Variants in MUSK observed in about 807,000 individuals in gnomAD.
The protein encoded by MUSK is muscle, skeletal receptor tyrosine-protein kinase.
MUSK carries 55 observed loss-of-function variants against 88.7 expected under a neutral mutation model. That is an observed-to-expected ratio of 0.62 (90% CI 0.50 to 0.78). The LOEUF (loss-of-function observed/expected upper bound fraction) is 0.78. Among genes scored for constraint, MUSK ranks in the 30% least tolerant of loss-of-function variants. The pLI is 0.00. For missense variants in MUSK, 1,015 were observed against 1,074.3 expected (o/e 0.94, Z 0.77); for synonymous variants, 387 against 391.9 (o/e 0.99, Z 0.15).
chr9:110,701,553 C>T (rs1289645761), intron 5 of MUSK, among the ~76,000 whole-genome samples: 1 of 152,032 alleles, frequency 6.6e-6, no homozygotes, highest in Non-Finnish European at 1.5e-5. Context: ...ATGGCACAAT[C>T]ATAGCTTACT....
At chr9:110,727,350 G>A (rs2131821168) in intron 5 of MUSK, 1 of 152,082 alleles carries the variant, frequency 6.6e-6, no homozygotes, top group East Asian at 1.9e-4. Flanking sequence ...CCAAGACTTA[G>A]ATCCTTTGTC....
chr9:110,742,684 A>G (rs1335533134), intron 6 of MUSK, among the ~76,000 whole-genome samples: 1 of 152,212 alleles, frequency 6.6e-6, no homozygotes, highest in African/African-American at 2.4e-5. Context: ...TGAGACCCCA[A>G]CTTATTCATT....
At chr9:110,684,428 C>T (rs146598634) in intron 2 of MUSK, among the ~76,000 whole-genome samples, 312 of 151,980 alleles carry the variant, frequency 2.1e-3, no homozygotes, top group African/African-American at 7.2e-3. Context: ...GTGATTCCTC[C>T]AGTTTTTTTC....
In MUSK at chr9:110,804,174, T is replaced by C. The variant is rs2078130222; in HGVS notation, c.*3186T>C. ...ACTGTAATTTAGCTAATCAATCTTGTATTTTTGAACATTTAGGTTTTTTCC... is the reference window on the plus strand; with the variant it reads ...ACTGTAATTTAGCTAATCAATCTTGCATTTTTGAACATTTAGGTTTTTTCC... On this transcript the variant is annotated 3_prime_UTR_variant, in exon 15 of 15. Transcript: ENST00000374448. Among the ~76,000 whole-genome samples, 1 of 152,204 alleles carries C rather than the reference T, an allele frequency of 6.6e-6. No homozygotes were observed. The highest frequency in any genetic ancestry group is 1.5e-5 in the Non-Finnish European group (1 of 68,010).
chr9:110,789,777 T>TG (rs201052030), intron 14 of MUSK, among the ~76,000 whole-genome samples: 2,429 of 151,814 alleles, frequency 0.016, 35 homozygotes, highest in Admixed American at 0.042. Context: ...AGACTCCATC[T>TG]GGGAAAAAAA....
chr9:110,727,641 G>A (rs1406326202), intron 5 of MUSK: 2 of 204,248 alleles, frequency 9.8e-6, no homozygotes, highest in East Asian at 2.3e-4. Flanking sequence ...TGCGGTTGCT[G>A]GCGGAACATT....
chr9:110,679,639 T>C (rs2076081885), intron 1 of MUSK, among the ~76,000 whole-genome samples: 1 of 151,588 alleles, frequency 6.6e-6, no homozygotes, highest in Non-Finnish European at 1.5e-5. Flanking sequence ...TTCTTCCTGT[T>C]TGTTTTTGCT....
intron 11 of MUSK, among the ~76,000 whole-genome samples, chr9:110,782,262 G>A (rs971158333): frequency 2.6e-5 from 4 of 152,162 alleles, no homozygotes; most frequent in African/African-American, 7.2e-5. Flanking sequence ...AAAGAATGAC[G>A]ATTCAAAGTG....
intron 6 of MUSK, among the ~76,000 whole-genome samples, chr9:110,739,006 C>T (rs1351964685): frequency 6.6e-6 from 1 of 152,106 alleles, no homozygotes; most frequent in Non-Finnish European, 1.5e-5. Flanking sequence ...ATCAGATCTT[C>T]TATAAAACCT....
intron 7 of MUSK, among the ~76,000 whole-genome samples, chr9:110,756,524 T>TATCG (rs1405971244): frequency 6.8e-6 from 1 of 147,854 alleles, no homozygotes; most frequent in Admixed American, 6.8e-5. Context: ...CAATTCTTTT[T>TATCG]AGACAGTAAT....
intron 7 of MUSK, among the ~76,000 whole-genome samples, chr9:110,748,900 C>G (rs1017805272): frequency 6.3e-4 from 96 of 152,282 alleles, no homozygotes; most frequent in African/African-American, 2.3e-3. Flanking sequence ...TTTCTCCCCC[C>G]AGTGATATCT....
At chr9:110,763,301 C>CA (rs1271210299) in intron 8 of MUSK, among the ~76,000 whole-genome samples, 3 of 150,898 alleles carry the variant, frequency 2.0e-5, no homozygotes, top group Admixed American at 6.6e-5. Context: ...ATTCTCAGTT[C>CA]AAAAAAAAGA....
intron 5 of MUSK, among the ~76,000 whole-genome samples, chr9:110,709,907 G>A (rs2076646617): frequency 6.6e-6 from 1 of 152,140 alleles, no homozygotes; most frequent in South Asian, 2.1e-4. Context: ...CCCTTTGGGA[G>A]GCTGAGGCAG....
chr9:110,714,207 C>T (rs770087718), intron 5 of MUSK, among the ~76,000 whole-genome samples: 7 of 152,212 alleles, frequency 4.6e-5, no homozygotes, highest in East Asian at 3.9e-4. Flanking sequence ...AACAAAAGTG[C>T]GGTTGCTTTA....
rs1158986610 is a variant in MUSK at position 110,800,797 on chromosome 9, G to A, written c.2419G>A (p.Ala807Thr). ...TGGCCTGCAGCCCTACTATGGGATG[G>A]CCCATGAGGAGGTCATTTACTACGT... ...SYGLQPYYGM[A>T]HEEVIYYVRD... The change falls in exon 15 of 15, where the codon GCC becomes ACC. Residue 807 changes from alanine (A) to threonine (T), a missense_variant. By Grantham distance (58) the Ala-to-Thr change is moderately conservative (BLOSUM62 0). Coordinates refer to ENST00000374448, the MANE Select transcript of MUSK (RefSeq NM_005592.4). The A allele has an allele frequency of 6.2e-7, 1 of 1,613,704 alleles. No individual in the cohort carries two copies. The highest frequency in any genetic ancestry group is 2.2e-5 in the East Asian group (1 of 44,882).
rs142883574 is a variant in MUSK, at chr9:110,693,387, C to T, written c.359-2016C>T. Among the ~76,000 whole-genome samples the T allele has an allele frequency of 2.9e-3, 438 of 152,228 alleles. 3 individuals are homozygous for T. The highest frequency in any genetic ancestry group is 0.022 in the South Asian group (107 of 4,818). Reference sequence around the variant, plus strand: ...TGCTTCCATACTTCTTGGAAAGATCCGTTTTATAAGGCTCCCGAGATCCCC... The same window carrying T: ...TGCTTCCATACTTCTTGGAAAGATCTGTTTTATAAGGCTCCCGAGATCCCC... On this transcript the variant is annotated intron_variant, in intron 3 of 14. Transcript: ENST00000374448.
At chr9:110,739,220 G>A (rs2077066654) in intron 6 of MUSK, among the ~76,000 whole-genome samples, 1 of 152,136 alleles carries the variant, frequency 6.6e-6, no homozygotes, top group South Asian at 2.1e-4. Flanking sequence ...TTTTAGATAA[G>A]CTGTTATGAT....
rs544665164 is a variant in MUSK, at chr9:110,803,122, T to C, written c.*2134T>C. On this transcript the variant is annotated 3_prime_UTR_variant, in exon 15 of 15. Transcript: ENST00000374448. ...GCTTTCTCCGCTGATAAAGTTTTGTTGTAAAAGACAGACATAGAAGTCAGG... is the reference window on the plus strand; with the variant it reads ...GCTTTCTCCGCTGATAAAGTTTTGTCGTAAAAGACAGACATAGAAGTCAGG... 1.4e-4 allele frequency among the ~76,000 whole-genome samples: 22 copies of C among 152,330 alleles called. 1 individual carries two copies. In the East Asian group the frequency reaches 4.3e-3, roughly 29 times the overall value.
Position 110,800,920 on chromosome 9 carries a change from A to G in MUSK, c.2542A>G (p.Ser848Gly). Residue 848 changes from serine to glycine, a missense_variant, in exon 15 of 15, where the codon AGT (serine) becomes GGT (glycine). Coordinates refer to ENST00000374448, the MANE Select transcript of MUSK (RefSeq NM_005592.4). Reference sequence around the variant, plus strand: ...GAGCAAGCTGCCTGCAGACAGACCCAGTTTCACCAGTATTCACCGAATTCT... The same window carrying G: ...GAGCAAGCTGCCTGCAGACAGACCCGGTTTCACCAGTATTCACCGAATTCT... ...CWSKLPADRP[S>G]FTSIHRILER... 3 of 1,539,256 alleles carry G rather than the reference A, an allele frequency of 1.9e-6. No homozygotes were observed. The highest frequency in any genetic ancestry group is 1.3e-5 in the South Asian group (1 of 77,532).
Sources: allele counts gnomAD v4.1 joint callset (sites outside exome capture counted in the v4.1 genomes callset), GRCh38; gene constraint gnomAD v4.1.1; transcripts MANE v1.5; gene names NCBI Gene and HGNC (gene_info 2026-07-23, HGNC 2026-07-21).